GRHL3: variants seen among roughly 807,000 people sequenced by gnomAD.
GRHL3 encodes the protein grainyhead-like protein 3 homolog.
A neutral mutation model predicts 70.3 loss-of-function variants in GRHL3; 20 were observed. That is an observed-to-expected ratio of 0.28 (90% CI 0.20 to 0.41). The LOEUF (loss-of-function observed/expected upper bound fraction) is 0.41. Among genes scored for constraint, GRHL3 ranks in the 10% least tolerant of loss-of-function variants. The pLI is 1.00. For missense variants in GRHL3, 637 were observed against 762.3 expected (o/e 0.84, Z 1.94); for synonymous variants, 299 against 299.9 (o/e 1.00, Z 0.03).
intron 7 of GRHL3, among the ~76,000 whole-genome samples, 153 bp from the exon 8 acceptor site, chr1:24,339,515 G>A (rs1411418297): frequency 1.3e-5 from 2 of 152,090 alleles, no homozygotes; most frequent in African/African-American, 4.8e-5. Flanking sequence ...TCCTGACCTT[G>A]TGATCCCCCT....
intron 14 of GRHL3, among the ~76,000 whole-genome samples, chr1:24,348,984 A>G (rs1344465650): frequency 6.6e-6 from 1 of 152,260 alleles, no homozygotes; most frequent in African/African-American, 2.4e-5. Context: ...TCCCTGGGAC[A>G]GGCACTGGGC....
At chr1:24,354,254 G>C in intron 15 of GRHL3, 120 bp from the exon 16 acceptor site, 1 of 647,454 alleles carries the variant, frequency 1.5e-6, no homozygotes. Flanking sequence ...GAAGGTTTGT[G>C]AGGTGCCTAA....
chr1:24,319,974 G>C (rs1639119561), intron 1 of GRHL3: 2 of 268,266 alleles, frequency 7.5e-6, no homozygotes, highest in Admixed American at 9.0e-5. Flanking sequence ...GCAGAGAGTT[G>C]GGTTTCTCTA....
At chr1:24,327,599 C>T (rs1021098869) in intron 1 of GRHL3, among the ~76,000 whole-genome samples, 5 of 152,168 alleles carry the variant, frequency 3.3e-5, no homozygotes, top group African/African-American at 1.2e-4. Context: ...TTCCCTCCTC[C>T]CTCATTTTCC....
At chr1:24,336,371 TA>T in intron 3 of GRHL3, 110 bp from the exon 4 acceptor site, 1 of 713,792 alleles carries the variant, frequency 1.4e-6, no homozygotes, top group Non-Finnish European at 2.4e-6. Context: ...TGGATGGACC[TA>T]AACATTACAC....
In GRHL3 at chr1:24,342,158, A is replaced by C; in HGVS notation, c.1091A>C (p.Gln364Pro). ...TGTCTGAGCACAGACTTTTCCTCAC[A>C]AAAGGGGGTGAAGGGTGTCCCCCTG... Reference protein sequence around the residue: ...VNCLSTDFSSQKGVKGVPLNL... With the variant: ...VNCLSTDFSSPKGVKGVPLNL... Residue 364 changes from glutamine (Q) to proline (P), a missense_variant, in exon 9 of 16, where the codon CAA becomes CCA. Physicochemically the swap from Gln to Pro is moderately conservative, Grantham distance 76 (BLOSUM62 -1). Around this residue, in one of 2 missense-constraint regions of GRHL3, gnomAD observed 387 missense variants for 513.8 expected, o/e 0.75. Coordinates refer to ENST00000361548, the MANE Select transcript of GRHL3 (RefSeq NM_198173.3). This position sits in a 1 kb window ranked among gnomAD's most constrained non-coding sequence, Gnocchi z 4.8. 6.2e-7 allele frequency: 1 copy of C among 1,610,696 alleles called. No individual in the cohort carries two copies. Among genetic ancestry groups the C allele is most frequent in the Non-Finnish European group, 8.5e-7 (1 of 1,178,198 alleles).
At position 24,336,727 on chromosome 1, in the gene GRHL3, A is replaced by G; in HGVS notation, c.512A>G (p.Tyr171Cys). 1 of 1,614,116 alleles carries G rather than the reference A, an allele frequency of 6.2e-7. No homozygotes were observed. The highest frequency in any genetic ancestry group is 8.5e-7 in the Non-Finnish European group (1 of 1,180,020). The change falls in exon 4 of 16, where the codon TAT (tyrosine) becomes TGT (cysteine). Residue 171 changes from tyrosine to cysteine, a missense_variant. Tyr to Cys is a radical substitution (Grantham distance 194, BLOSUM62 -2). Around this residue, in one of 2 missense-constraint regions of GRHL3, gnomAD observed 250 missense variants for 248.6 expected, o/e 1.01. Coordinates refer to ENST00000361548, the MANE Select transcript of GRHL3 (RefSeq NM_198173.3). ...DSYLLPTTDM[Y>C]DNGSLNSLFE... ...TACCTGTTACCCACCACTGATATGT[A>G]TGATAATGGCTCCCTCAACTCCTTG...
At chr1:24,347,681 C>G (rs1443720533) in intron 14 of GRHL3, 128 bp downstream of exon 14, 1 of 742,660 alleles carries the variant, frequency 1.3e-6, no homozygotes, top group African/African-American at 1.7e-5. Context: ...CCCGTCCCAC[C>G]CTGTCCAGGG....
intron 3 of GRHL3, 52 bp from the exon 4 acceptor site, chr1:24,336,430 C>A: frequency 3.9e-6 from 5 of 1,277,676 alleles, no homozygotes; most frequent in Non-Finnish European, 5.5e-6. Context: ...AGCCAAAGAC[C>A]CCCCTTTACC....
chr1:24,330,481 A>G (rs980615515), intron 1 of GRHL3, among the ~76,000 whole-genome samples: 17 of 152,242 alleles, frequency 1.1e-4, no homozygotes, highest in Non-Finnish European at 2.9e-5. Flanking sequence ...TAATAGGAAT[A>G]ATAATAGTAT....
chr1:24,326,773 T>C (rs2148648206), intron 1 of GRHL3, among the ~76,000 whole-genome samples: 1 of 152,294 alleles, frequency 6.6e-6, no homozygotes, highest in South Asian at 2.1e-4. Flanking sequence ...CTTGAGAAAG[T>C]GCTAGCCATA....
downstream of GRHL3, chr1:24,357,996 G>C (rs1640832011): frequency 2.8e-6 from 1 of 354,088 alleles, no homozygotes; most frequent in Admixed American, 3.7e-5. Context: ...AGGAAGCTGT[G>C]GACTGGTGGA....
intron 1 of GRHL3, 68 bp downstream of exon 1, chr1:24,319,636 G>A: frequency 1.9e-6 from 3 of 1,612,452 alleles, no homozygotes; most frequent in Non-Finnish European, 2.5e-6. Context: ...TCCTGGAGGG[G>A]GAAGAGCGGG....
At chr1:24,331,699 C>A in intron 2 of GRHL3, 87 bp downstream of exon 2, 4 of 1,148,148 alleles carry the variant, frequency 3.5e-6, no homozygotes, top group South Asian at 1.5e-5. Flanking sequence ...CCACCATGAC[C>A]ACCCCAGCCC....
chr1:24,363,470 G>T (rs1218637346), intron 15 of GRHL3, among the ~76,000 whole-genome samples: 1 of 152,168 alleles, frequency 6.6e-6, no homozygotes, highest in East Asian at 1.9e-4. Flanking sequence ...GGCAGTACAG[G>T]CTTTGCACTC....
chr1:24,336,860 G>A, intron 4 of GRHL3, 33 bp downstream of exon 4: 1 of 1,490,860 alleles, frequency 6.7e-7, no homozygotes, highest in Non-Finnish European at 9.2e-7. Context: ...CTATAGCATA[G>A]ATATGTGTGT....
At position 24,350,051 on chromosome 1, in the gene GRHL3, C is replaced by T; in HGVS notation, c.1630-7C>T. ...CAGGCAATGAATCACCTGTCTTTTC[C>T]TTCCAGATCTCTGAGAAGTATGGGT... On this transcript the variant is annotated splice_polypyrimidine_tract_variant and splice_region_variant and intron_variant, in intron 14 of 15. Transcript: ENST00000361548. 1 of 1,610,826 alleles carries T rather than the reference C, an allele frequency of 6.2e-7. No individual in the cohort carries two copies. Among genetic ancestry groups the T allele is most frequent in the South Asian group, 1.1e-5 (1 of 90,758 alleles).
At chr1:24,340,503 G>A (rs1639994761) in intron 8 of GRHL3, among the ~76,000 whole-genome samples, 1 of 152,218 alleles carries the variant, frequency 6.6e-6, no homozygotes, top group African/African-American at 2.4e-5. Flanking sequence ...TGTGCGCATG[G>A]GCCTCGCTGT....
downstream of GRHL3, chr1:24,358,427 AC>A (rs746924231): frequency 4.1e-5 from 36 of 879,812 alleles, no homozygotes; most frequent in African/African-American, 5.1e-4. Flanking sequence ...TGGTAGAGCC[AC>A]CCCCCAAGTT....
Sources: gnomAD v4.1 joint callset for allele counts (sites outside exome capture counted in the v4.1 genomes callset) on GRCh38, gnomAD v4.1.1 for gene constraint, gnomAD v4.1.1 regional missense constraint, Gnocchi (gnomAD v3.1) non-coding constraint, MANE v1.5 for transcripts, NCBI Gene and HGNC (gene_info 2026-07-23, HGNC 2026-07-21) for gene names.